Variants in LRFN2 observed in about 807,000 individuals in gnomAD.
LRFN2 encodes leucine rich repeat and fibronectin type III domain containing 2, also known as leucine-rich repeat and fibronectin type-III domain-containing protein 2.
In LRFN2, 18 loss-of-function variants were observed where a neutral mutation model predicts 37.3. The ratio of observed to expected loss-of-function variants is 0.48; its 90% CI spans 0.33 to 0.72. The LOEUF (loss-of-function observed/expected upper bound fraction) is 0.72, where lower values mean the gene tolerates loss of function less well. Ranked by LOEUF, LRFN2 falls within the 30% of genes least tolerant of loss-of-function variation. LRFN2 has a pLI of 0.02. For missense variants in LRFN2, 1,006 were observed against 1,060.7 expected (o/e 0.95, Z 0.72); for synonymous variants, 556 against 466.6 (o/e 1.19, Z -2.47).
intron 1 of LRFN2, among the ~76,000 whole-genome samples, chr6:40,542,475 C>A (rs1372901282): frequency 1.3e-5 from 2 of 151,798 alleles, no homozygotes; most frequent in East Asian, 3.9e-4. Context: ...TGGAAAACAT[C>A]TGCAGAGCAC....
rs572427107 is a variant in LRFN2 at position 40,397,229 on chromosome 6, G to C, written c.1401-4317C>G. On this transcript the variant is annotated intron_variant, in intron 2 of 2. Transcript: ENST00000338305. Reference sequence around the variant, plus strand: ...TCCACTGATCCTCCAAGCTATAGCTGGGGAGCCTGGATTTCCCCCTTCACT... The same window carrying C: ...TCCACTGATCCTCCAAGCTATAGCTCGGGAGCCTGGATTTCCCCCTTCACT... Among the ~76,000 whole-genome samples the C allele has an allele frequency of 2.6e-5, 4 of 152,228 alleles. No individual in the cohort carries two copies. In the South Asian group the frequency reaches 8.3e-4, roughly 32 times the overall value.
chr6:40,455,641 T>C (rs532426203), intron 1 of LRFN2, among the ~76,000 whole-genome samples: 2 of 152,228 alleles, frequency 1.3e-5, no homozygotes, highest in Non-Finnish European at 2.9e-5. Context: ...GGATTTACCA[T>C]GCAGCAGCAG....
chr6:40,403,385 G>T (rs1410781724), intron 2 of LRFN2, among the ~76,000 whole-genome samples: 3 of 152,292 alleles, frequency 2.0e-5, no homozygotes, highest in Non-Finnish European at 4.4e-5. Context: ...GGGCTCCAAG[G>T]ATCAGAAGAC....
chr6:40,533,184 CTCTT>C (rs1766380247), intron 1 of LRFN2, among the ~76,000 whole-genome samples: 2 of 152,058 alleles, frequency 1.3e-5, no homozygotes, highest in East Asian at 1.9e-4. Context: ...CTCTCTGTCT[CTCTT>C]TCTCTCTCTG....
chr6:40,554,571 C>T (rs926265757), intron 1 of LRFN2, among the ~76,000 whole-genome samples: 4 of 152,278 alleles, frequency 2.6e-5, no homozygotes, highest in South Asian at 4.1e-4. Flanking sequence ...AGAGCAATCA[C>T]GAATGCAATG....
chr6:40,449,081 A>C (rs1322781238), intron 1 of LRFN2, among the ~76,000 whole-genome samples: 1 of 152,164 alleles, frequency 6.6e-6, no homozygotes, highest in African/African-American at 2.4e-5. Context: ...GTTCTTCCCT[A>C]GTAAGAATCC....
intron 1 of LRFN2, among the ~76,000 whole-genome samples, chr6:40,494,208 G>T (rs757359650): frequency 6.6e-6 from 1 of 152,196 alleles, no homozygotes; most frequent in Non-Finnish European, 1.5e-5. Context: ...TTCCTAACAG[G>T]GTCACCTGGG....
chr6:40,485,654 T>G lies in LRFN2; in HGVS notation c.-18-52523A>C, dbSNP rs557352253. Among the ~76,000 whole-genome samples the G allele has an allele frequency of 6.6e-5, 10 of 152,308 alleles. No individual in the cohort carries two copies. The South Asian group carries it at 1.9e-3, about 28-fold the overall frequency. Reference sequence around the variant, plus strand: ...CCCCGAGGTCTTGAACAGGCCAGGCTGCTCCTTAGAGCTGGAGAGAACTAT... The same window carrying G: ...CCCCGAGGTCTTGAACAGGCCAGGCGGCTCCTTAGAGCTGGAGAGAACTAT... On this transcript the variant is annotated intron_variant, in intron 1 of 2. Transcript: ENST00000338305.
chr6:40,536,839 G>C lies in LRFN2; in HGVS notation c.-19+50102C>G, dbSNP rs1195932280. On this transcript the variant is annotated intron_variant, in intron 1 of 2. Transcript: ENST00000338305. ...CCTTATCTCCTGGCCCCTGGCGAAG[G>C]CACCCCTGGAGGATAATCATGGATG... is the stretch of plus-strand genomic sequence containing the variant. 5.3e-5 allele frequency among the ~76,000 whole-genome samples: 8 copies of C among 152,292 alleles called. No individual in the cohort carries two copies. The East Asian group carries it at 1.5e-3, about 29-fold the overall frequency.
chr6:40,487,377 A>C (rs553971198), intron 1 of LRFN2, among the ~76,000 whole-genome samples: 1 of 152,318 alleles, frequency 6.6e-6, no homozygotes. Flanking sequence ...TCTCACTGAC[A>C]TCACCACTGG....
At chr6:40,527,037 G>A (rs747186651) in intron 1 of LRFN2, among the ~76,000 whole-genome samples, 11 of 152,182 alleles carry the variant, frequency 7.2e-5, no homozygotes, top group Non-Finnish European at 1.3e-4. Flanking sequence ...AGACAAGGCC[G>A]TAACTCCAAT....
intron 1 of LRFN2, among the ~76,000 whole-genome samples, chr6:40,571,331 T>C (rs1253857960): frequency 1.3e-5 from 2 of 152,198 alleles, no homozygotes; most frequent in East Asian, 3.9e-4. Flanking sequence ...GAATTTCTTC[T>C]TTCTCCTTCA....
At chr6:40,470,393 C>G (rs1357507963) in intron 1 of LRFN2, among the ~76,000 whole-genome samples, 1 of 152,182 alleles carries the variant, frequency 6.6e-6, no homozygotes, top group Non-Finnish European at 1.5e-5. Flanking sequence ...GAGCAGATCA[C>G]GAGGTCAGGA....
In LRFN2 at chr6:40,392,225, C is replaced by A; in HGVS notation, c.2088G>T (p.Glu696Asp). The change falls in exon 3 of 3, where the codon GAG (glutamate) becomes GAT (aspartate). Residue 696 changes from glutamate (E) to aspartate (D), a missense_variant. Coordinates refer to ENST00000338305, the MANE Select transcript of LRFN2 (RefSeq NM_020737.3). The surrounding 1 kb of genome is among the most constrained non-coding windows in gnomAD (Gnocchi z 4.7). ...GGGCCGCAGGGGGCCCCAGCAGTGG[C>A]TCTCGGTCCGAGTGGTGGCCCCGGG... ...TSARGHHSDR[E>D]PLLGPPAARA... 6.4e-7 allele frequency: 1 copy of A among 1,569,734 alleles called. No homozygotes were observed. Among genetic ancestry groups the A allele is most frequent in the Non-Finnish European group, 8.6e-7 (1 of 1,159,670 alleles).
intron 1 of LRFN2, among the ~76,000 whole-genome samples, chr6:40,443,328 G>T (rs957210107): frequency 1.3e-5 from 2 of 152,188 alleles, no homozygotes; most frequent in Non-Finnish European, 2.9e-5. Flanking sequence ...ATAGAAAACA[G>T]CCGCAATAGG....
intron 1 of LRFN2, among the ~76,000 whole-genome samples, chr6:40,462,236 C>T (rs1431501153): frequency 5.3e-5 from 8 of 151,972 alleles, no homozygotes; most frequent in African/African-American, 1.7e-4. Flanking sequence ...CTGGCTTGGT[C>T]CAATGGCAGA....
At chr6:40,416,172 C>T (rs1312842244) in intron 2 of LRFN2, among the ~76,000 whole-genome samples, 1 of 152,212 alleles carries the variant, frequency 6.6e-6, no homozygotes, top group Non-Finnish European at 1.5e-5. Flanking sequence ...GCACGCCCTG[C>T]TAATTTTTGT....
chr6:40,553,748 C>T (rs1766820707), intron 1 of LRFN2, among the ~76,000 whole-genome samples: 1 of 152,240 alleles, frequency 6.6e-6, no homozygotes, highest in Non-Finnish European at 1.5e-5. Flanking sequence ...TATCCATTAT[C>T]TCCGTAAGTA....
intron 1 of LRFN2, among the ~76,000 whole-genome samples, chr6:40,441,479 GT>G (rs969208499): frequency 2.6e-5 from 4 of 152,192 alleles, no homozygotes; most frequent in African/African-American, 9.7e-5. Flanking sequence ...GATTTCACCA[GT>G]GGGGGCCTGG....
Sources: allele counts gnomAD v4.1 joint callset (sites outside exome capture counted in the v4.1 genomes callset), GRCh38; gene constraint gnomAD v4.1.1; non-coding constraint Gnocchi (gnomAD v3.1); transcripts MANE v1.5; gene names NCBI Gene and HGNC (gene_info 2026-07-23, HGNC 2026-07-21).